The following PPARA variants were observed in gnomAD, a reference collection of about 807,000 sequenced individuals.
The protein encoded by PPARA is peroxisome proliferator-activated receptor alpha.
A neutral mutation model predicts 42.2 loss-of-function variants in PPARA; 22 were observed. The observed-to-expected ratio is 0.52, with a 90% CI of 0.37 to 0.74. PPARA has a LOEUF of 0.74. Among genes scored for constraint, PPARA ranks in the 30% least tolerant of loss-of-function variants. The pLI is 0.00. For missense variants in PPARA, 465 were observed against 608.2 expected, an observed-to-expected ratio of 0.76 and a Z score of 2.48; for synonymous variants, 242 against 239.3, an observed-to-expected ratio of 1.01 and a Z score of -0.10.
intron 3 of PPARA, among the ~76,000 whole-genome samples, chr22:46,194,023 C>A (rs954544209): frequency 2.0e-5 from 3 of 152,210 alleles, no homozygotes; most frequent in Non-Finnish European, 2.9e-5. Flanking sequence ...ATATTCTGCT[C>A]CTGATCAGAA....
chr22:46,199,652 T>G (rs1300653421), intron 4 of PPARA, among the ~76,000 whole-genome samples: 1 of 152,112 alleles, frequency 6.6e-6, no homozygotes, highest in Non-Finnish European at 1.5e-5. Context: ...AAAAAAAATT[T>G]TTTTAAGCAA....
Position 46,167,598 on chromosome 22 carries a change from G to A in PPARA, c.-126-9155G>A, listed in dbSNP as rs1927268115. Among the ~76,000 whole-genome samples the A allele has an allele frequency of 6.6e-6, 1 of 152,146 alleles. No individual in the cohort carries two copies. Among genetic ancestry groups the A allele is most frequent in the Non-Finnish European group, 1.5e-5 (1 of 68,032 alleles). On this transcript the variant is annotated intron_variant, in intron 2 of 8. Transcript: ENST00000407236. The surrounding 1 kb of genome is among the most constrained non-coding windows in gnomAD (Gnocchi z 4.1). ...AGCCCAGAGAGGTCAAGGTTGCAGT[G>A]AGCCATGATTGCACCACTGCACTCC...
chr22:46,209,263 T>G (rs959895706), intron 4 of PPARA, among the ~76,000 whole-genome samples: 29 of 152,198 alleles, frequency 1.9e-4, no homozygotes, highest in African/African-American at 6.8e-4. Flanking sequence ...TGCTTCTAAA[T>G]TTTTTTCTTT....
At chr22:46,177,777 G>C (rs1322601009) in intron 3 of PPARA, among the ~76,000 whole-genome samples, 2 of 151,544 alleles carry the variant, frequency 1.3e-5, no homozygotes, top group African/African-American at 4.8e-5. Flanking sequence ...AGACAGGTCA[G>C]AACCTCAGGC....
At position 46,231,629 on chromosome 22, in the gene PPARA, C is replaced by T. The variant is rs191857134; in HGVS notation, c.712-163C>T. On this transcript the variant is annotated intron_variant, in intron 7 of 8. Coordinates refer to ENST00000407236, the MANE Select transcript of PPARA (RefSeq NM_005036.6). This position sits in a 1 kb window ranked among gnomAD's most constrained non-coding sequence, Gnocchi z 7.7. ...TCTATTAATGTCTTATTTTCCCCAA[C>T]CGATTTTGAAGTTGAGTAAGGACTA... is the stretch of plus-strand genomic sequence containing the variant. Among the ~76,000 whole-genome samples the T allele has an allele frequency of 2.2e-3, 328 of 152,294 alleles. 1 individual carries two copies. The highest frequency in any genetic ancestry group is 4.5e-3 in the Admixed American group (69 of 15,288).
chr22:46,185,960 TATATACAC>T (rs1413195644), intron 3 of PPARA, among the ~76,000 whole-genome samples: 2 of 42,944 alleles, frequency 4.7e-5, no homozygotes, highest in African/African-American at 1.7e-4. Flanking sequence ...TATATATATA[TATATACAC>T]ACACACTAAC....
chr22:46,183,916 C>T lies in PPARA; in HGVS notation c.-43+7080C>T, dbSNP rs1930312184. ...TAGAGGCTTGCTGCCTGAGGTCAAA[C>T]CCCGGTCCCGGTGGTTCTGTGCCCC... On this transcript the variant is annotated intron_variant, in intron 3 of 8. Coordinates refer to ENST00000407236, the MANE Select transcript of PPARA (RefSeq NM_005036.6). This position sits in a 1 kb window ranked among gnomAD's most constrained non-coding sequence, Gnocchi z 5.5. Among the ~76,000 whole-genome samples the T allele has an allele frequency of 6.6e-6, 1 of 152,094 alleles. No homozygotes were observed. The highest frequency in any genetic ancestry group is 1.5e-5 in the Non-Finnish European group (1 of 68,012).
rs1800246 is a variant in PPARA, at chr22:46,219,728, G to A, written c.509-84G>A. The A allele has an allele frequency of 0.028, 38,451 of 1,371,906 alleles. 1,311 individuals carry two copies. Among genetic ancestry groups the A allele is most frequent in the African/African-American group, 0.16 (11,444 of 69,468 alleles). 85.0% of individuals were successfully genotyped at this position (1,371,906 alleles called of 1,614,324 possible). ...TGTGAATTTTCATTCCTGGTTTAAAGTCCTGGGGGAGCCCCTCGTCCAGCC... is the reference window on the plus strand; with the variant it reads ...TGTGAATTTTCATTCCTGGTTTAAAATCCTGGGGGAGCCCCTCGTCCAGCC... On this transcript the variant is annotated intron_variant, in intron 6 of 8. Coordinates refer to ENST00000407236, the MANE Select transcript of PPARA (RefSeq NM_005036.6). This position sits in a 1 kb window ranked among gnomAD's most constrained non-coding sequence, Gnocchi z 4.8.
intron 2 of PPARA, among the ~76,000 whole-genome samples, chr22:46,170,959 G>A (rs539388086): frequency 6.6e-5 from 10 of 151,646 alleles, no homozygotes; most frequent in African/African-American, 2.2e-4. Context: ...TCAGGAGTTC[G>A]AGACCAGCCT....
At chr22:46,168,690 A>G (rs1332861341) in intron 2 of PPARA, among the ~76,000 whole-genome samples, 1 of 151,934 alleles carries the variant, frequency 6.6e-6, no homozygotes, top group Admixed American at 6.6e-5. Context: ...TTCCCTCATT[A>G]GTCACTAGGG....
rs1172754963 is a variant in PPARA at position 46,198,363 on chromosome 22, A to T, written c.-21A>T. ...CCAGTAGCTTGGAGCTCGGCGGCAC[A>T]ACCAGCACCATCTGGTCGCGATGGT... On this transcript the variant is annotated 5_prime_UTR_variant, in exon 4 of 9. Transcript: ENST00000407236. 4.3e-6 allele frequency: 7 copies of T among 1,612,330 alleles called. No homozygotes were observed. The highest frequency in any genetic ancestry group is 5.9e-6 in the Non-Finnish European group (7 of 1,178,782).
At chr22:46,177,884 G>C (rs1011380407) in intron 3 of PPARA, among the ~76,000 whole-genome samples, 1 of 152,066 alleles carries the variant, frequency 6.6e-6, no homozygotes, top group African/African-American at 2.4e-5. Context: ...CAGAATCTTG[G>C]GTATTTACCC....
Position 46,211,495 on chromosome 22 carries a change from C to G in PPARA, c.209-3678C>G, listed in dbSNP as rs1311595340. Among the ~76,000 whole-genome samples the G allele has an allele frequency of 1.3e-5, 2 of 152,188 alleles. No individual in the cohort carries two copies. The highest frequency in any genetic ancestry group is 4.8e-5 in the African/African-American group (2 of 41,450). ...TCCGCACCTGCACCCACTTTTTCCCCTGAGATTGTTTCCTACATTCGTAGC... is the reference window on the plus strand; with the variant it reads ...TCCGCACCTGCACCCACTTTTTCCCGTGAGATTGTTTCCTACATTCGTAGC... On this transcript the variant is annotated intron_variant, in intron 4 of 8. Coordinates refer to ENST00000407236, the MANE Select transcript of PPARA (RefSeq NM_005036.6). This position sits in a 1 kb window ranked among gnomAD's most constrained non-coding sequence, Gnocchi z 4.1.
At position 46,222,175 on chromosome 22, in the gene PPARA, A is replaced by T. The variant is rs1389242671; in HGVS notation, c.711+2161A>T. ...TTCAGAGGCAGCCAAATTGCCCCTC[A>T]TGGTTCGTCCCCCACATCCCCGCCT... On this transcript the variant is annotated intron_variant, in intron 7 of 8. Transcript: ENST00000407236. This position sits in a 1 kb window ranked among gnomAD's most constrained non-coding sequence, Gnocchi z 5.9. Among the ~76,000 whole-genome samples the T allele has an allele frequency of 6.6e-6, 1 of 151,870 alleles. No individual in the cohort carries two copies. The highest frequency in any genetic ancestry group is 2.4e-5 in the African/African-American group (1 of 41,326).
chr22:46,214,751 G>A (rs543296068), intron 4 of PPARA, among the ~76,000 whole-genome samples: 2 of 151,462 alleles, frequency 1.3e-5, no homozygotes, highest in South Asian at 4.2e-4. Context: ...GATGGGAGAT[G>A]TGCAGGTCCG....
chr22:46,220,066 G>C, intron 7 of PPARA, 52 bp downstream of exon 7: 1 of 1,580,136 alleles, frequency 6.3e-7, no homozygotes, highest in South Asian at 1.1e-5. Context: ...AACCAGTGTC[G>C]TAGAGGACGA....
rs1233642555 is a variant in PPARA at position 46,234,256 on chromosome 22, C to G, written c.1160-877C>G. 6.6e-6 allele frequency among the ~76,000 whole-genome samples: 1 copy of G among 152,130 alleles called. No individual in the cohort carries two copies. The highest frequency in any genetic ancestry group is 1.5e-5 in the Non-Finnish European group (1 of 68,004). On this transcript the variant is annotated intron_variant, in intron 8 of 8. Coordinates refer to ENST00000407236, the MANE Select transcript of PPARA (RefSeq NM_005036.6). The surrounding 1 kb of genome is among the most constrained non-coding windows in gnomAD (Gnocchi z 5.8). ...GCAAGACCCCATCACTAAAACAATA[C>G]AAAAACAAGAATTTTAGAAATAAAA...
At chr22:46,154,390 G>A (rs1199846074) in intron 2 of PPARA, among the ~76,000 whole-genome samples, 2 of 152,184 alleles carry the variant, frequency 1.3e-5, no homozygotes, top group African/African-American at 4.8e-5. Flanking sequence ...GGCCGAAGGG[G>A]ATGGATTGCT....
intron 3 of PPARA, among the ~76,000 whole-genome samples, chr22:46,198,003 G>A (rs1056871700): frequency 5.3e-5 from 8 of 151,612 alleles, no homozygotes; most frequent in Admixed American, 2.6e-4. Context: ...AGGCTGAGGC[G>A]AGCGGAATAC....
Sources: gnomAD v4.1 joint callset for allele counts (sites outside exome capture counted in the v4.1 genomes callset) on GRCh38, gnomAD v4.1.1 for gene constraint, Gnocchi (gnomAD v3.1) non-coding constraint, MANE v1.5 for transcripts, NCBI Gene and HGNC (gene_info 2026-07-23, HGNC 2026-07-21) for gene names.